CSMD2: variants seen among roughly 807,000 people sequenced by gnomAD.
The protein encoded by CSMD2 is CUB and sushi domain-containing protein 2.
Under a neutral mutation model 398.5 loss-of-function variants are expected in CSMD2, and 130 were observed. The observed-to-expected ratio is 0.33, with a 90% CI of 0.28 to 0.38. CSMD2 has a LOEUF of 0.38. Among genes scored for constraint, CSMD2 ranks in the 10% least tolerant of loss-of-function variants. CSMD2 has a pLI of 1.00. For synonymous variants in CSMD2, 1,828 were observed against 1,908.5 expected, an observed-to-expected ratio of 0.96 and a Z score of 1.10; for missense variants, 3,829 against 4,764.9, an observed-to-expected ratio of 0.80 and a Z score of 5.78.
chr1:33,551,633 A>G (rs1050955568), intron 55 of CSMD2, among the ~76,000 whole-genome samples: 2 of 152,194 alleles, frequency 1.3e-5, no homozygotes, highest in South Asian at 2.1e-4. Context: ...TCACTTCTCA[A>G]TGTGGTCTTA....
chr1:33,907,485 G>C (rs912253435), intron 5 of CSMD2, among the ~76,000 whole-genome samples: 1 of 152,044 alleles, frequency 6.6e-6, no homozygotes, highest in East Asian at 1.9e-4. Context: ...TTGAAGAGTG[G>C]GAGTGAAGTA....
Position 33,636,121 on chromosome 1 carries a change from G to A in CSMD2, c.4969+239C>T, listed in dbSNP as rs186834982. ...CTGGGGGCCTCTGTTGAGGGCATGAGCATCTATGTGAATGGGGGTAGGGAC... is the reference window on the plus strand; with the variant it reads ...CTGGGGGCCTCTGTTGAGGGCATGAACATCTATGTGAATGGGGGTAGGGAC... On this transcript the variant is annotated intron_variant, in intron 30 of 70. Transcript: ENST00000373381. The surrounding 1 kb of genome is among the most constrained non-coding windows in gnomAD (Gnocchi z 4.8). 3.4e-4 allele frequency among the ~76,000 whole-genome samples: 52 copies of A among 152,254 alleles called. No individual in the cohort carries two copies. The highest frequency in any genetic ancestry group is 1.2e-3 in the African/African-American group (50 of 41,538).
At chr1:33,623,762 C>CT (rs1470226637) in intron 35 of CSMD2, among the ~76,000 whole-genome samples, 1 of 152,234 alleles carries the variant, frequency 6.6e-6, no homozygotes, top group Non-Finnish European at 1.5e-5. Context: ...CACTGACTGT[C>CT]TCCTCATCTC....
At chr1:33,941,789 T>G (rs78679177) in intron 3 of CSMD2, among the ~76,000 whole-genome samples, 2,701 of 152,214 alleles carry the variant, frequency 0.018, 88 homozygotes, top group African/African-American at 0.061. Flanking sequence ...CTATACTTGC[T>G]GTCTCCATTT....
chr1:33,888,756 T>TTTTTTTTTTTTG (rs1553244524), intron 5 of CSMD2, among the ~76,000 whole-genome samples: 10 of 148,820 alleles, frequency 6.7e-5, no homozygotes, highest in African/African-American at 2.5e-4. Flanking sequence ...TCAACTGATT[T>TTTTTTTTTTTTG]TTGTTGTTGT....
At chr1:33,568,624 C>T (rs567037362) in intron 52 of CSMD2, among the ~76,000 whole-genome samples, 2 of 152,240 alleles carry the variant, frequency 1.3e-5, no homozygotes, top group East Asian at 3.9e-4. Context: ...CTTCCTTCTC[C>T]TTGAGTAGCA....
At chr1:33,527,865 T>C (rs1249750414) in intron 64 of CSMD2, among the ~76,000 whole-genome samples, 2 of 145,220 alleles carry the variant, frequency 1.4e-5, no homozygotes, top group Admixed American at 1.5e-4. Flanking sequence ...GGTGTGAACC[T>C]GGGAGGCGGA....
chr1:34,031,765 C>CAA (rs556094322), intron 3 of CSMD2, among the ~76,000 whole-genome samples: 2,808 of 71,032 alleles, frequency 0.04, 94 homozygotes, highest in East Asian at 0.13. Context: ...AAGGCAAAGG[C>CAA]AAAAAAAAAA....
chr1:33,516,788 C>CT (rs1225220817), intron 70 of CSMD2, among the ~76,000 whole-genome samples: 3 of 152,082 alleles, frequency 2.0e-5, no homozygotes, highest in Non-Finnish European at 4.4e-5. Flanking sequence ...ATTTTTCTGT[C>CT]TTTTTCCCTT....
At chr1:33,572,882 G>C (rs565765402) in intron 49 of CSMD2, among the ~76,000 whole-genome samples, 191 bp from the exon 50 acceptor site, 1 of 151,690 alleles carries the variant, frequency 6.6e-6, no homozygotes, top group Non-Finnish European at 1.5e-5. Flanking sequence ...TTTTAAGTTT[G>C]GAAGAAGGAA....
chr1:33,867,395 G>A (rs544747969), intron 5 of CSMD2, among the ~76,000 whole-genome samples: 1 of 152,312 alleles, frequency 6.6e-6, no homozygotes, highest in South Asian at 2.1e-4. Flanking sequence ...ATGAGAACTT[G>A]GCCCTGGCTG....
chr1:33,991,012 GTT>G (rs201996761), intron 3 of CSMD2, among the ~76,000 whole-genome samples: 41 of 142,974 alleles, frequency 2.9e-4, no homozygotes, highest in African/African-American at 9.7e-4. Context: ...GGTGTTTTGG[GTT>G]TTTTTTTTTT....
intron 6 of CSMD2, chr1:33,838,480 G>C (rs948493938): frequency 2.0e-5 from 3 of 152,180 alleles, no homozygotes; most frequent in Admixed American, 6.5e-5. Flanking sequence ...CTCCCTTGTA[G>C]CTGAGGGCTG....
intron 62 of CSMD2, among the ~76,000 whole-genome samples, chr1:33,536,442 C>T (rs1366558153): frequency 6.6e-6 from 1 of 152,194 alleles, no homozygotes; most frequent in Non-Finnish European, 1.5e-5. Flanking sequence ...CCAGGATGGC[C>T]TCGATCTCCT....
intron 3 of CSMD2, among the ~76,000 whole-genome samples, chr1:34,019,239 CTA>C (rs1371968990): frequency 6.6e-6 from 1 of 152,182 alleles, no homozygotes; most frequent in Non-Finnish European, 1.5e-5. Context: ...AATGCATTTG[CTA>C]TGTCTCCCTG....
chr1:34,056,593 C>A (rs1366276732), intron 2 of CSMD2, among the ~76,000 whole-genome samples: 1 of 152,134 alleles, frequency 6.6e-6, no homozygotes, highest in African/African-American at 2.4e-5. Context: ...ATGGTATCTA[C>A]CTTACAGAGT....
At chr1:33,783,376 C>A (rs1191874044) in intron 12 of CSMD2, among the ~76,000 whole-genome samples, 2 of 151,612 alleles carry the variant, frequency 1.3e-5, no homozygotes, top group East Asian at 1.9e-4. Flanking sequence ...AGGGCAGGGC[C>A]CCGATCTGAG....
chr1:34,069,483 T>C (rs1283596173), intron 2 of CSMD2, among the ~76,000 whole-genome samples: 2 of 152,188 alleles, frequency 1.3e-5, no homozygotes, highest in Non-Finnish European at 2.9e-5. Context: ...TTTGCATTGC[T>C]GATGAGGAAA....
intron 3 of CSMD2, among the ~76,000 whole-genome samples, chr1:33,978,469 T>C (rs141479388): frequency 4.2e-4 from 64 of 152,254 alleles, no homozygotes; most frequent in African/African-American, 1.2e-3. Flanking sequence ...AAGATCATGA[T>C]GAGCTGTATA....
Sources: gnomAD v4.1 joint callset for allele counts (sites outside exome capture counted in the v4.1 genomes callset) on GRCh38, gnomAD v4.1.1 for gene constraint, Gnocchi (gnomAD v3.1) non-coding constraint, MANE v1.5 for transcripts, NCBI Gene and HGNC (gene_info 2026-07-23, HGNC 2026-07-21) for gene names.